Variants in CUX2 observed in about 807,000 individuals in gnomAD.
CUX2 encodes cut like homeobox 2.
Under a neutral mutation model 144.8 loss-of-function variants are expected in CUX2, and 40 were observed. That is an observed-to-expected ratio of 0.28 (90% CI 0.21 to 0.36). The LOEUF (loss-of-function observed/expected upper bound fraction) is 0.36. Ranked by LOEUF, CUX2 falls within the 10% of genes least tolerant of loss-of-function variation. The pLI is 1.00. For missense variants in CUX2, 1,615 were observed against 1,994.0 expected (o/e 0.81, Z 3.62); for synonymous variants, 827 against 875.6 (o/e 0.94, Z 0.98).
chr12:111,139,198 A>G lies in CUX2; in HGVS notation c.64-75002A>G, dbSNP rs553536354. On this transcript the variant is annotated intron_variant, in intron 1 of 21. Transcript: ENST00000261726. ...GGATGGTCTACGAGGACCAAGGGACATGATGGATTTGACATTCCTTCTTGT... is the reference window on the plus strand; with the variant it reads ...GGATGGTCTACGAGGACCAAGGGACGTGATGGATTTGACATTCCTTCTTGT... Among the ~76,000 whole-genome samples the G allele has an allele frequency of 3.3e-5, 5 of 152,234 alleles. No homozygotes were observed. The South Asian group carries it at 8.3e-4, about 25-fold the overall frequency.
chr12:111,346,362 G>C (rs1430435442), intron 21 of CUX2, among the ~76,000 whole-genome samples: 1 of 151,100 alleles, frequency 6.6e-6, no homozygotes, highest in African/African-American at 2.4e-5. Flanking sequence ...AGTAATCCCA[G>C]TTGCTCGGGA....
At chr12:111,113,783 G>A (rs1419829032) in intron 1 of CUX2, among the ~76,000 whole-genome samples, 4 of 152,124 alleles carry the variant, frequency 2.6e-5, no homozygotes, top group Admixed American at 6.5e-5. Flanking sequence ...TCTCGAACCC[G>A]TGACCTCAAG....
At chr12:111,205,367 A>G (rs1318029132) in intron 1 of CUX2, among the ~76,000 whole-genome samples, 1 of 152,030 alleles carries the variant, frequency 6.6e-6, no homozygotes, top group Non-Finnish European at 1.5e-5. Flanking sequence ...AAGGACCTCC[A>G]TGGGCCCAAG....
At chr12:111,158,760 TAAAG>T (rs1877555656) in intron 1 of CUX2, among the ~76,000 whole-genome samples, 1 of 151,674 alleles carries the variant, frequency 6.6e-6, no homozygotes, top group South Asian at 2.1e-4. Flanking sequence ...ACTTTCTACT[TAAAG>T]AAAAAAAAAG....
chr12:111,159,140 T>TTTGTTG (rs565029145), intron 1 of CUX2, among the ~76,000 whole-genome samples: 3 of 151,926 alleles, frequency 2.0e-5, no homozygotes, highest in East Asian at 1.9e-4. Flanking sequence ...CTGCCAGGAT[T>TTTGTTG]TTGTTGTTGT....
intron 1 of CUX2, among the ~76,000 whole-genome samples, chr12:111,094,082 G>A (rs1872685960): frequency 6.6e-6 from 1 of 152,230 alleles, no homozygotes; most frequent in Non-Finnish European, 1.5e-5. Context: ...CAGGCAATTT[G>A]ACGGACAGGG....
intron 1 of CUX2, among the ~76,000 whole-genome samples, chr12:111,179,786 C>T (rs1421167260): frequency 6.6e-6 from 1 of 151,984 alleles, no homozygotes; most frequent in African/African-American, 2.4e-5. Flanking sequence ...AAGTGGTTCT[C>T]CTGCCTCAGC....
intron 20 of CUX2, among the ~76,000 whole-genome samples, 161 bp from the exon 21 acceptor site, chr12:111,341,619 A>G (rs1393713236): frequency 1.4e-5 from 2 of 145,650 alleles, no homozygotes; most frequent in African/African-American, 5.2e-5. Flanking sequence ...GCAGAAGGAG[A>G]GTGAGGAGGG....
At chr12:111,301,729 C>T (rs1289878037) in intron 9 of CUX2, among the ~76,000 whole-genome samples, 1 of 152,200 alleles carries the variant, frequency 6.6e-6, no homozygotes, top group African/African-American at 2.4e-5. Context: ...GTCTCAAACT[C>T]GTGGTCTCAA....
chr12:111,256,638 G>A (rs894183848), intron 3 of CUX2, among the ~76,000 whole-genome samples: 2 of 152,168 alleles, frequency 1.3e-5, no homozygotes, highest in African/African-American at 4.8e-5. Context: ...AGCACTTGGA[G>A]AAGCACAGTT....
At position 111,293,513 on chromosome 12, in the gene CUX2, C is replaced by T. The variant is rs770668506; in HGVS notation, c.504C>T (p.Pro168=). 4.1e-5 allele frequency: 66 copies of T among 1,604,144 alleles called. No individual in the cohort carries two copies. Among genetic ancestry groups the T allele is most frequent in the Middle Eastern group, 2.0e-4 (1 of 5,034 alleles). The change falls in exon 6 of 22, where the codon CCC becomes CCT. Residue 168 remains proline (P), a synonymous_variant. Transcript: ENST00000261726. This position sits in a 1 kb window ranked among gnomAD's most constrained non-coding sequence, Gnocchi z 4.5. ...LTEGSRLPGI[P]GKALLTETLL... The stretch of plus-strand genomic sequence containing the variant: ...AGGGAAGCCGCCTCCCAGGCATTCC[C>T]GGGAAAGCCCTCCTGACAGAAACCT...
chr12:111,071,317 G>C (rs976289232), intron 1 of CUX2, among the ~76,000 whole-genome samples: 5 of 152,154 alleles, frequency 3.3e-5, no homozygotes, highest in Admixed American at 6.5e-5. Context: ...TGGCCATTCT[G>C]ATAGGTGTGT....
rs982853180 is a variant in CUX2, at chr12:111,296,402, C to T, written c.638-71C>T. The T allele has an allele frequency of 2.9e-5, 41 of 1,418,168 alleles. No individual in the cohort carries two copies. The Admixed American group carries it at 7.7e-4, about 26-fold the overall frequency. The allele number at this position is 1,418,168 out of a possible 1,614,324, so 87.8% of individuals were successfully genotyped here. On this transcript the variant is annotated intron_variant, in intron 7 of 21. Transcript: ENST00000261726. Reference sequence around the variant, plus strand: ...CTGGGCTTCGCAGAAGGAGTGGGCTCCACCTCCCTGGGAGACCCAGCTCCT... The same window carrying T: ...CTGGGCTTCGCAGAAGGAGTGGGCTTCACCTCCCTGGGAGACCCAGCTCCT...
intron 1 of CUX2, among the ~76,000 whole-genome samples, chr12:111,184,554 T>G (rs1879385409): frequency 1.7e-5 from 2 of 118,874 alleles, no homozygotes; most frequent in African/African-American, 3.4e-5. Flanking sequence ...CTAGGCAACA[T>G]GGCAAACCTT....
At chr12:111,316,048 T>C (rs1269141965) in intron 16 of CUX2, among the ~76,000 whole-genome samples, 1 of 152,164 alleles carries the variant, frequency 6.6e-6, no homozygotes, top group Admixed American at 6.6e-5. Context: ...TCTTGACTTT[T>C]TGTGCTTTTT....
intron 1 of CUX2, among the ~76,000 whole-genome samples, chr12:111,199,699 A>ATG (rs1038075091): frequency 6.6e-6 from 1 of 151,868 alleles, no homozygotes; most frequent in Non-Finnish European, 1.5e-5. Context: ...GCATCTGTGT[A>ATG]TGTGTGTGTC....
intron 1 of CUX2, among the ~76,000 whole-genome samples, chr12:111,121,879 G>C (rs1483140063): frequency 6.8e-6 from 1 of 146,494 alleles, no homozygotes; most frequent in Non-Finnish European, 1.5e-5. Flanking sequence ...TTAGGTAACT[G>C]TTCAAGAGCC....
At chr12:111,078,209 G>T (rs1238224580) in intron 1 of CUX2, among the ~76,000 whole-genome samples, 1 of 152,230 alleles carries the variant, frequency 6.6e-6, no homozygotes, top group East Asian at 1.9e-4. Context: ...TCGGGGATGA[G>T]CCGACATTGA....
chr12:111,081,828 G>A (rs1871907372), intron 1 of CUX2, among the ~76,000 whole-genome samples: 1 of 152,190 alleles, frequency 6.6e-6, no homozygotes, highest in East Asian at 1.9e-4. Context: ...TCTTCCACGA[G>A]CTTCCGCCTG....
Sources: gnomAD v4.1 joint callset for allele counts (sites outside exome capture counted in the v4.1 genomes callset) on GRCh38, gnomAD v4.1.1 for gene constraint, Gnocchi (gnomAD v3.1) non-coding constraint, MANE v1.5 for transcripts, NCBI Gene and HGNC (gene_info 2026-07-23, HGNC 2026-07-21) for gene names.